TENM1: variants seen among roughly 807,000 people sequenced by gnomAD.
The protein encoded by TENM1 is teneurin transmembrane protein 1, also known as teneurin-1.
In TENM1, 35 loss-of-function variants were observed where a neutral mutation model predicts 174.8. The observed-to-expected ratio is 0.20, with a 90% CI of 0.15 to 0.27. The LOEUF (loss-of-function observed/expected upper bound fraction) is 0.27. Ranked by LOEUF, TENM1 falls within the 10% of genes least tolerant of loss-of-function variation. The pLI is 1.00. For missense variants in TENM1, 1,633 were observed against 2,130.1 expected (o/e 0.77, Z 4.59); for synonymous variants, 781 against 798.7 (o/e 0.98, Z 0.37).
chrX:124,704,871 G>T, intron 5 of TENM1, 142 bp downstream of exon 8: 1 of 439,238 alleles, frequency 2.3e-6, no homozygotes, highest in Non-Finnish European at 3.9e-6. Flanking sequence ...AAAAAAAAAA[G>T]AAGAAAATCA....
intron 20 of TENM1, among the ~76,000 whole-genome samples, 196 bp downstream of exon 23, chrX:124,496,820 T>C (rs865803381): frequency 7.2e-5 from 8 of 111,869 alleles, no homozygotes; most frequent in Admixed American, 2.8e-4. Flanking sequence ...TTCTCCAAAG[T>C]AGTGCTCAAA....
At chrX:124,835,360 C>T (rs1240029553) in intron 3 of TENM1, among the ~76,000 whole-genome samples, 1 of 111,896 alleles carries the variant, frequency 8.9e-6, no homozygotes. Context: ...TTGGGGCTTA[C>T]GCTTCTAGAA....
At chrX:124,859,030 T>C (rs907441900) in intron 3 of TENM1, among the ~76,000 whole-genome samples, 12 of 111,631 alleles carry the variant, frequency 1.1e-4, no homozygotes, top group Admixed American at 1.0e-3. Flanking sequence ...GAACTAAGTT[T>C]AACCGAATTT....
chrX:124,770,581 GT>G (rs1213239932), intron 3 of TENM1, among the ~76,000 whole-genome samples: 1 of 109,759 alleles, frequency 9.1e-6, no homozygotes, highest in Non-Finnish European at 1.9e-5. Flanking sequence ...AAATTTCTTA[GT>G]TTTTTTTGTA....
chrX:125,100,360 CA>C, the TENM1 span, among the ~76,000 whole-genome samples: 1 of 111,463 alleles, frequency 9.0e-6, no homozygotes, highest in Admixed American at 9.5e-5. Context: ...GGCAGAGCCA[CA>C]AGTGGTTTAT....
At chrX:124,539,558 C>G (rs144608228) in intron 15 of TENM1, among the ~76,000 whole-genome samples, 2,765 of 111,799 alleles carry the variant, frequency 0.025, 86 homozygotes, top group African/African-American at 0.086. Context: ...GATTAATCTT[C>G]CCCCAATAGG....
chrX:124,416,448 T>C (rs766111342), intron 25 of TENM1, among the ~76,000 whole-genome samples: 6 of 112,254 alleles, frequency 5.3e-5, no homozygotes, highest in Non-Finnish European at 1.1e-4. Context: ...GGCTGAACAC[T>C]ATTTCATGAC....
intron 23 of TENM1, among the ~76,000 whole-genome samples, chrX:124,431,131 T>C (rs972581389): frequency 1.8e-5 from 2 of 112,209 alleles, no homozygotes; most frequent in African/African-American, 6.5e-5. Context: ...TTCCAGTTTA[T>C]TCATTTTAAG....
chrX:124,600,391 C>A (rs749821200), intron 11 of TENM1, among the ~76,000 whole-genome samples: 1 of 111,541 alleles, frequency 9.0e-6, no homozygotes, highest in Non-Finnish European at 1.9e-5. Context: ...AACTATAATT[C>A]ATTGAATAAT....
intron 18 of TENM1, among the ~76,000 whole-genome samples, chrX:124,509,713 ATTT>A (rs753100747): frequency 0.035 from 2,641 of 75,837 alleles, 142 homozygotes; most frequent in African/African-American, 0.14. Context: ...ACTTTCTGGA[ATTT>A]TTTTTTTTTT....
At chrX:124,770,052 T>C (rs1425344841) in intron 3 of TENM1, among the ~76,000 whole-genome samples, 4 of 112,156 alleles carry the variant, frequency 3.6e-5, no homozygotes, top group South Asian at 3.7e-4. Flanking sequence ...AGCTAATTAG[T>C]GGCAGAGTCA....
chrX:125,184,418 T>C, the TENM1 span, among the ~76,000 whole-genome samples: 1 of 112,225 alleles, frequency 8.9e-6, no homozygotes, highest in Non-Finnish European at 1.9e-5. Context: ...TTTTATTTTC[T>C]GATCTTACAT....
intron 25 of TENM1, among the ~76,000 whole-genome samples, chrX:124,406,729 T>G (rs2060466415): frequency 8.9e-6 from 1 of 111,733 alleles, no homozygotes; most frequent in African/African-American, 3.3e-5. Context: ...AAAATATATC[T>G]GGTAATGAAT....
chrX:125,103,802 AT>A, the TENM1 span, among the ~76,000 whole-genome samples: 1 of 111,891 alleles, frequency 8.9e-6, no homozygotes, highest in Non-Finnish European at 1.9e-5. Context: ...CCTGACCAAT[AT>A]GGTGAAAACC....
the TENM1 span, among the ~76,000 whole-genome samples, chrX:125,033,591 G>T: frequency 1.3e-3 from 146 of 111,936 alleles, no homozygotes; most frequent in Middle Eastern, 9.2e-3. Context: ...GAAGGACAAA[G>T]GGTTGGCAAA....
At chrX:124,519,368 G>T (rs182432240) in intron 18 of TENM1, among the ~76,000 whole-genome samples, 1 of 109,979 alleles carries the variant, frequency 9.1e-6, no homozygotes, top group Admixed American at 9.7e-5. Context: ...AATATATGAG[G>T]GTCTCTTGGG....
At chrX:124,650,495 C>A (rs1292732363) in intron 8 of TENM1, among the ~76,000 whole-genome samples, 2 of 111,273 alleles carry the variant, frequency 1.8e-5, no homozygotes, top group African/African-American at 6.5e-5. Flanking sequence ...CAGGAAAAAA[C>A]CTCTAAGCAT....
At chrX:124,967,288 T>C (rs1018625122), upstream of TENM1, among the ~76,000 whole-genome samples, 4 of 111,069 alleles carry the variant, frequency 3.6e-5, no homozygotes, top group African/African-American at 6.6e-5. Context: ...ACAGTGCAAA[T>C]TGAGAACTGT....
chrX:124,677,336 A>C (rs909340375), intron 5 of TENM1, among the ~76,000 whole-genome samples: 3 of 111,096 alleles, frequency 2.7e-5, no homozygotes, highest in African/African-American at 9.8e-5. Flanking sequence ...CATCATTATT[A>C]AGCACTCCAA....
Sources: allele counts gnomAD v4.1 joint callset (sites outside exome capture counted in the v4.1 genomes callset), GRCh38; gene constraint gnomAD v4.1.1; transcripts MANE v1.5; gene names NCBI Gene and HGNC (gene_info 2026-07-23, HGNC 2026-07-21).